Variants in CENPU observed in about 807,000 individuals in gnomAD.
CENPU encodes the protein KSHV latent nuclear antigen interacting protein 1.
CENPU carries 46 observed loss-of-function variants against 56.7 expected under a neutral mutation model. The observed-to-expected ratio is 0.81, with a 90% confidence interval of 0.64 to 1.04. CENPU has a LOEUF of 1.04. Ranked by LOEUF, CENPU falls within the 50% of genes least tolerant of loss-of-function variation. The pLI is 0.00. For synonymous variants in CENPU, 166 were observed against 163.0 expected (o/e 1.02, Z -0.14); for missense variants, 510 against 490.1 (o/e 1.04, Z -0.38).
At chr4:184,699,222 C>T (rs1204987170) in intron 11 of CENPU, among the ~76,000 whole-genome samples, 5 of 152,002 alleles carry the variant, frequency 3.3e-5, no homozygotes, top group Admixed American at 6.6e-5. Flanking sequence ...CCCAACTATT[C>T]GGGAGGATGA....
intron 11 of CENPU, chr4:184,699,704 A>G (rs1579755937): frequency 1.0e-6 from 1 of 992,566 alleles, no homozygotes; most frequent in Non-Finnish European, 1.4e-6. Context: ...TCTGTCACCC[A>G]GGCTGGAGTG....
chr4:184,700,024 AT>A, intron 11 of CENPU, among the ~76,000 whole-genome samples: 1 of 152,306 alleles, frequency 6.6e-6, no homozygotes, highest in Non-Finnish European at 1.5e-5. Context: ...CATTATGCAC[AT>A]TCTTTTCTGA....
chr4:184,712,119 C>CAAAAAA (rs10650384), intron 7 of CENPU, among the ~76,000 whole-genome samples: 4,919 of 80,342 alleles, frequency 0.061, 201 homozygotes, highest in African/African-American at 0.07. Flanking sequence ...GACTCAGTCT[C>CAAAAAA]AAAAAAAAAA....
In CENPU at chr4:184,713,087, C is replaced by A. The variant is rs544875535; in HGVS notation, c.619-74G>T. ...TAAAACATTAGGATTAAGACTGTCA[C>A]CAAACTGTCATTCAATATTTTAGCT... On this transcript the variant is annotated intron_variant, in intron 6 of 12. Coordinates refer to ENST00000281453, the MANE Select transcript of CENPU (RefSeq NM_024629.4). 8.3e-6 allele frequency: 8 copies of A among 961,100 alleles called. No individual in the cohort carries two copies. The East Asian group carries it at 1.2e-4, about 15-fold the overall frequency. The allele number at this position is 961,100 out of a possible 1,614,324, so 59.5% of individuals were successfully genotyped here.
intron 1 of CENPU, 29 bp downstream of exon 1, chr4:184,733,987 C>G (rs763464203): frequency 6.2e-7 from 1 of 1,610,882 alleles, no homozygotes. Context: ...GTCTCCGGCC[C>G]CGCGCTCCCG....
intron 11 of CENPU, 184 bp from the exon 12 acceptor site, chr4:184,697,987 T>C (rs1409906085): frequency 3.6e-6 from 2 of 548,656 alleles, no homozygotes; most frequent in African/African-American, 3.8e-5. Flanking sequence ...AAAAAAAATC[T>C]CTGAAATACA....
At position 184,694,167 on chromosome 4, in the gene CENPU, T is replaced by C. The variant is rs998638317; in HGVS notation, c.*1121A>G. ...TAAAATTTAAAGCATGGGTACTAAG[T>C]CCATTGTCAAGATAGCAAATTTATC... On this transcript the variant is annotated 3_prime_UTR_variant, in exon 13 of 13. Transcript: ENST00000281453. The C allele has an allele frequency of 1.7e-5, 17 of 984,364 alleles. No individual in the cohort carries two copies. The highest frequency in any genetic ancestry group is 2.0e-5 in the Non-Finnish European group (16 of 816,954). 61.0% of individuals were successfully genotyped at this position (984,364 alleles called of 1,614,324 possible).
chr4:184,711,437 CCT>C lies in CENPU; in HGVS notation c.689-1259_689-1258del, dbSNP rs541038093. Among the ~76,000 whole-genome samples, 361 of 152,142 alleles carry C rather than the reference CCT, an allele frequency of 2.4e-3. 14 individuals are homozygous for C. Among genetic ancestry groups the C allele is most frequent in the Admixed American group, 0.023 (355 of 15,286 alleles). ...TGTTTGTGGTAAGAAGACTAAAAAT[CCT>C]CTTTTAGCTGTTTTGAAATGTGTAA... On this transcript the variant is annotated intron_variant, in intron 7 of 12. Coordinates refer to ENST00000281453, the MANE Select transcript of CENPU (RefSeq NM_024629.4).
chr4:184,728,160 T>A (rs1414590869), intron 3 of CENPU, among the ~76,000 whole-genome samples: 1 of 152,208 alleles, frequency 6.6e-6, no homozygotes, highest in African/African-American at 2.4e-5. Context: ...TTTTTAAAAT[T>A]ATGGGGTTTT....
chr4:184,698,069 G>A (rs920631581), intron 11 of CENPU: 78 of 337,402 alleles, frequency 2.3e-4, no homozygotes, highest in South Asian at 2.5e-4. Flanking sequence ...TCATCAAGCC[G>A]TTCAAGTCTT....
chr4:184,721,544 TA>T (rs1366123524), intron 4 of CENPU, among the ~76,000 whole-genome samples: 8 of 106,906 alleles, frequency 7.5e-5, no homozygotes, highest in Admixed American at 1.9e-4. Flanking sequence ...AGACTGAAAA[TA>T]AAAGTATGGA....
intron 10 of CENPU, among the ~76,000 whole-genome samples, chr4:184,701,679 G>C (rs910136937): frequency 6.6e-6 from 1 of 152,126 alleles, no homozygotes; most frequent in African/African-American, 2.4e-5. Flanking sequence ...TTCCCAGGCT[G>C]TCCTACCTGG....
chr4:184,700,886 G>A lies in CENPU; in HGVS notation c.925-5C>T, dbSNP rs375745009. On this transcript the variant is annotated splice_region_variant and splice_polypyrimidine_tract_variant and intron_variant, in intron 10 of 12. Coordinates refer to ENST00000281453, the MANE Select transcript of CENPU (RefSeq NM_024629.4). The stretch of plus-strand genomic sequence containing the variant: ...CTTTTCGATATCTGAAATCATCTAA[G>A]TAACACAATCATTTGTGTTAAAATT... 1.2e-6 allele frequency: 2 copies of A among 1,609,154 alleles called. No individual in the cohort carries two copies. Among genetic ancestry groups the A allele is most frequent in the South Asian group, 1.1e-5 (1 of 90,998 alleles).
At chr4:184,709,763 T>C (rs1265514703) in intron 8 of CENPU, among the ~76,000 whole-genome samples, 2 of 150,382 alleles carry the variant, frequency 1.3e-5, no homozygotes, top group Non-Finnish European at 3.0e-5. Flanking sequence ...ACACAGATCA[T>C]GTACCAGGTC....
At chr4:184,696,328 A>C (rs940446217) in intron 12 of CENPU, among the ~76,000 whole-genome samples, 3 of 152,238 alleles carry the variant, frequency 2.0e-5, no homozygotes, top group Non-Finnish European at 1.5e-5. Context: ...ATAAGGCAAA[A>C]GGGACAGTTA....
chr4:184,730,590 T>A lies in CENPU; in HGVS notation c.96+330A>T, dbSNP rs117651648. Among the ~76,000 whole-genome samples, 51 of 66,218 alleles carry A rather than the reference T, an allele frequency of 7.7e-4. No homozygotes were observed. The East Asian group carries it at 0.048, about 62-fold the overall frequency. 43.4% of individuals were successfully genotyped at this position (66,218 alleles called of 152,430 possible). A position where few individuals can be genotyped will look rare whatever the true frequency, so the allele number is the denominator to read the frequency against. ...CCTGTAATGTGAACTAAGTGGAGTA[T>A]CATGAAATCATAAAACAATTCTTGA... On this transcript the variant is annotated intron_variant, in intron 2 of 12. Coordinates refer to ENST00000281453, the MANE Select transcript of CENPU (RefSeq NM_024629.4).
intron 2 of CENPU, among the ~76,000 whole-genome samples, chr4:184,729,958 C>T (rs1053122294): frequency 6.6e-6 from 1 of 152,040 alleles, no homozygotes; most frequent in African/African-American, 2.4e-5. Flanking sequence ...ATTGGCAAAC[C>T]ATATAAAAAC....
At chr4:184,713,394 A>G (rs1273333125) in intron 6 of CENPU, among the ~76,000 whole-genome samples, 1 of 152,218 alleles carries the variant, frequency 6.6e-6, no homozygotes, top group Non-Finnish European at 1.5e-5. Context: ...ACTCCGTCTC[A>G]AGAAGAAAAA....
Position 184,694,283 on chromosome 4 carries a change from C to T in CENPU, c.*1005G>A. The T allele has an allele frequency of 7.8e-7, 1 of 1,281,036 alleles. No homozygotes were observed. Among genetic ancestry groups the T allele is most frequent in the Non-Finnish European group, 9.9e-7 (1 of 1,009,724 alleles). The allele number at this position is 1,281,036 out of a possible 1,614,324, so 79.4% of individuals were successfully genotyped here. On this transcript the variant is annotated 3_prime_UTR_variant, in exon 13 of 13. Coordinates refer to ENST00000281453, the MANE Select transcript of CENPU (RefSeq NM_024629.4). ...CGGGGAGTATTGAAAAGTATGTGCACAGAACTGTAGGTAATTTCAAATTTG... is the reference window on the plus strand; with the variant it reads ...CGGGGAGTATTGAAAAGTATGTGCATAGAACTGTAGGTAATTTCAAATTTG...
Sources: gnomAD v4.1 joint callset for allele counts (sites outside exome capture counted in the v4.1 genomes callset) on GRCh38, gnomAD v4.1.1 for gene constraint, MANE v1.5 for transcripts, NCBI Gene and HGNC (gene_info 2026-07-23, HGNC 2026-07-21) for gene names.